Variants in CDKL2 observed in about 807,000 individuals in gnomAD.
CDKL2 encodes cyclin dependent kinase like 2.
CDKL2 carries 64 observed loss-of-function variants against 63.9 expected under a neutral mutation model. The observed-to-expected ratio is 1.00, with a 90% CI of 0.82 to 1.23. CDKL2 has a LOEUF of 1.23. Ranked by LOEUF, CDKL2 falls within the 50% of genes most tolerant of loss-of-function variation. The pLI is 0.00. For synonymous variants in CDKL2, 211 were observed against 229.2 expected (o/e 0.92, Z 0.72); for missense variants, 656 against 668.0 (o/e 0.98, Z 0.20).
chr4:75,620,368 T>C (rs1005173691), intron 2 of CDKL2, among the ~76,000 whole-genome samples: 5 of 152,262 alleles, frequency 3.3e-5, no homozygotes, highest in South Asian at 2.1e-4. Flanking sequence ...TATGGACTAC[T>C]ACTCTTTAAA....
chr4:75,592,360 A>G, intron 10 of CDKL2, 91 bp from the exon 11 acceptor site: 1 of 1,110,122 alleles, frequency 9.0e-7, no homozygotes, highest in Non-Finnish European at 1.2e-6. Flanking sequence ...CATATCCTAA[A>G]ATTTGTGAAA....
intron 1 of CDKL2, among the ~76,000 whole-genome samples, chr4:75,626,405 G>T (rs1343961239): frequency 6.6e-6 from 1 of 151,810 alleles, no homozygotes; most frequent in Non-Finnish European, 1.5e-5. Context: ...AGTGGCTCAC[G>T]CCTGTAATCC....
At chr4:75,608,710 T>C (rs999804844) in intron 3 of CDKL2, among the ~76,000 whole-genome samples, 42 of 152,000 alleles carry the variant, frequency 2.8e-4, no homozygotes, top group African/African-American at 9.4e-4. Context: ...CAAAAATCAA[T>C]AGGCCGCACG....
chr4:75,627,586 T>C (rs564841991), intron 1 of CDKL2, among the ~76,000 whole-genome samples: 21 of 152,230 alleles, frequency 1.4e-4, no homozygotes, highest in African/African-American at 4.6e-4. Context: ...TTAGTTTTAA[T>C]AAAGATCAAC....
chr4:75,608,444 A>T (rs1488476842), intron 3 of CDKL2, among the ~76,000 whole-genome samples: 2 of 151,874 alleles, frequency 1.3e-5, no homozygotes, highest in Non-Finnish European at 2.9e-5. Context: ...TTTTTTCTAG[A>T]GTATAGGTTG....
intron 3 of CDKL2, 52 bp downstream of exon 3, chr4:75,614,203 G>T: frequency 8.6e-7 from 1 of 1,163,608 alleles, no homozygotes; most frequent in South Asian, 1.4e-5. Context: ...ACAGATTAAA[G>T]GATTAATGAA....
chr4:75,585,924 C>T (rs561775159), intron 12 of CDKL2, among the ~76,000 whole-genome samples: 2 of 152,190 alleles, frequency 1.3e-5, no homozygotes, highest in South Asian at 4.2e-4. Flanking sequence ...TATTAACCAC[C>T]TTGATCTAAT....
intron 12 of CDKL2, among the ~76,000 whole-genome samples, chr4:75,589,374 G>A (rs1022410015): frequency 4.9e-5 from 7 of 143,844 alleles, no homozygotes; most frequent in African/African-American, 1.3e-4. Context: ...GCGGGATCTC[G>A]GCTCACTGCA....
chr4:75,606,415 A>G (rs2148890174), intron 4 of CDKL2, among the ~76,000 whole-genome samples: 1 of 152,276 alleles, frequency 6.6e-6, no homozygotes, highest in Middle Eastern at 3.4e-3. Flanking sequence ...GGGTTTCACC[A>G]TGTTGGTCAG....
chr4:75,605,615 TGGC>T lies in CDKL2; in HGVS notation c.559_561del (p.Ala187del). 1 of 1,613,100 alleles carries T rather than the reference TGGC, an allele frequency of 6.2e-7. No individual in the cohort carries two copies. The highest frequency in any genetic ancestry group is 8.5e-7 in the Non-Finnish European group (1 of 1,179,102). On this transcript the variant is annotated inframe_deletion, in exon 5 of 14. Coordinates refer to ENST00000307465, the MANE Select transcript of CDKL2 (RefSeq NM_001330724.2). Reference sequence around the variant, plus strand: ...AACATTTCAGTTACCAGACAACCAATGGCCCACACATCAACAGCCCTGAAAGAA... The same window carrying T: ...AACATTTCAGTTACCAGACAACCAATCCACACATCAACAGCCCTGAAAGAA...
intron 2 of CDKL2, among the ~76,000 whole-genome samples, chr4:75,621,290 AAC>A (rs1730145452): frequency 1.2e-5 from 1 of 84,374 alleles, no homozygotes; most frequent in Non-Finnish European, 2.5e-5. Flanking sequence ...CCATAAAATT[AAC>A]AGACAAAAAA....
At chr4:75,589,834 T>A (rs1441272839) in intron 12 of CDKL2, among the ~76,000 whole-genome samples, 1 of 151,996 alleles carries the variant, frequency 6.6e-6, no homozygotes, top group East Asian at 1.9e-4. Context: ...AAAATTGTGT[T>A]AGCTGGGCAT....
rs769053349 is a variant in CDKL2 at position 75,598,218 on chromosome 4, TAA to T, written c.885-8_885-7del. The T allele has an allele frequency of 3.6e-6, 5 of 1,379,150 alleles. No homozygotes were observed. In the African/African-American group the frequency reaches 7.4e-5, roughly 21 times the overall value. 85.4% of individuals were successfully genotyped at this position (1,379,150 alleles called of 1,614,324 possible). A position where few individuals can be genotyped will look rare whatever the true frequency, so the allele number is the denominator to read the frequency against. On this transcript the variant is annotated splice_polypyrimidine_tract_variant and splice_region_variant and intron_variant, in intron 7 of 13. Coordinates refer to ENST00000307465, the MANE Select transcript of CDKL2 (RefSeq NM_001330724.2). ...ACTGTAGTTCTTGGGAAAACCTACA[TAA>T]AAATATAATAAAATAAAATTGTAAG...
chr4:75,623,998 G>A (rs1578355707), intron 2 of CDKL2, among the ~76,000 whole-genome samples: 1 of 151,984 alleles, frequency 6.6e-6, no homozygotes, highest in African/African-American at 2.4e-5. Flanking sequence ...GCCAGGCGTG[G>A]TGGCGGGCGC....
chr4:75,600,240 C>G, intron 7 of CDKL2, 41 bp downstream of exon 7: 1 of 1,305,410 alleles, frequency 7.7e-7, no homozygotes, highest in Non-Finnish European at 1.1e-6. Context: ...GACTTTAACC[C>G]TAGGTTGGTA....
chr4:75,598,685 T>C (rs1001472221), intron 7 of CDKL2, among the ~76,000 whole-genome samples: 2 of 151,986 alleles, frequency 1.3e-5, no homozygotes, highest in African/African-American at 4.8e-5. Context: ...AAACGCATCC[T>C]TTTTTTATGG....
Position 75,596,304 on chromosome 4 carries a change from A to G in CDKL2, c.1359T>C (p.Phe453=). 6.2e-7 allele frequency: 1 copy of G among 1,612,872 alleles called. No individual in the cohort carries two copies. The highest frequency in any genetic ancestry group is 8.5e-7 in the Non-Finnish European group (1 of 1,178,846). Residue 453 remains phenylalanine (F), a synonymous_variant, in exon 10 of 14, where the codon TTT becomes TTC. Transcript: ENST00000307465. ...DEKTKKCSIP[F]VKPNRHSPSG... is the part of the protein sequence containing the mutation. Reference sequence around the variant, plus strand: ...ATGGGGAATGTCTGTTCGGTTTAACAAATGGAATAGAACACTTCTTAGTTT... The same window carrying G: ...ATGGGGAATGTCTGTTCGGTTTAACGAATGGAATAGAACACTTCTTAGTTT...
chr4:75,592,160 G>A lies in CDKL2; in HGVS notation c.1526C>T (p.Ala509Val). 6.5e-7 allele frequency: 1 copy of A among 1,533,632 alleles called. No individual in the cohort carries two copies. The highest frequency in any genetic ancestry group is 8.7e-7 in the Non-Finnish European group (1 of 1,145,926). Residue 509 changes from alanine (A) to valine (V), a missense_variant, in exon 11 of 14, where the codon GCA becomes GTA. Coordinates refer to ENST00000307465, the MANE Select transcript of CDKL2 (RefSeq NM_001330724.2). ...LNYNHLPELR[A>V]LGGIARNSRL... is the part of the protein sequence containing the mutation. ...TATCAACACACCTATGCCTCCCAGT[G>A]CTCTTAGTTCAGGGAGATGATTATA...
At chr4:75,619,493 T>C (rs1415826102) in intron 2 of CDKL2, among the ~76,000 whole-genome samples, 3 of 146,828 alleles carry the variant, frequency 2.0e-5, no homozygotes, top group Non-Finnish European at 3.0e-5. Flanking sequence ...CTCACCAGAA[T>C]GTGCAGGTAG....
Sources: gnomAD v4.1 joint callset for allele counts (sites outside exome capture counted in the v4.1 genomes callset) on GRCh38, gnomAD v4.1.1 for gene constraint, MANE v1.5 for transcripts, NCBI Gene and HGNC (gene_info 2026-07-23, HGNC 2026-07-21) for gene names.